The following SETD4 variants were observed in gnomAD, a reference collection of about 807,000 sequenced individuals.
SETD4 encodes the protein SET domain containing 4, also known as SET domain-containing protein 4.
In SETD4, 46 loss-of-function variants were observed where a neutral mutation model predicts 58.3. That is an observed-to-expected ratio of 0.79 (90% CI 0.62 to 1.01). The LOEUF (loss-of-function observed/expected upper bound fraction) is 1.01. SETD4 is among the 50% of genes least tolerant of loss of function. The pLI, the probability that SETD4 is intolerant of heterozygous loss-of-function variation, is 0.00. For synonymous variants in SETD4, 190 were observed against 202.6 expected (o/e 0.94, Z 0.53); for missense variants, 490 against 523.3 (o/e 0.94, Z 0.62).
chr21:36,058,793 T>C, intron 2 of SETD4, 23 bp downstream of exon 2: 14 of 1,573,686 alleles, frequency 8.9e-6, no homozygotes, highest in Non-Finnish European at 1.2e-5. Context: ...TTTTCATTAC[T>C]GGTACTAAAA....
intron 10 of SETD4, among the ~76,000 whole-genome samples, chr21:36,037,106 G>T (rs1444500632): frequency 6.6e-6 from 1 of 151,816 alleles, no homozygotes; most frequent in Admixed American, 6.6e-5. Flanking sequence ...GAGATCTATG[G>T]TACATCGTGG....
rs1268109322 is a variant in SETD4 at position 36,043,773 on chromosome 21, G to A, written c.901+9C>T. ...TAGTGTTAATGTTAAGAACAAAGTT[G>A]ATTCCAACCTCTTGAGACATAAACA... On this transcript the variant is annotated intron_variant, in intron 7 of 11. Transcript: ENST00000332131. 6.2e-7 allele frequency: 1 copy of A among 1,613,606 alleles called. No individual in the cohort carries two copies. The highest frequency in any genetic ancestry group is 1.1e-5 in the South Asian group (1 of 90,826).
At chr21:36,058,427 A>C (rs541483618) in intron 2 of SETD4, among the ~76,000 whole-genome samples, 1 of 150,404 alleles carries the variant, frequency 6.6e-6, no homozygotes, top group Non-Finnish European at 1.5e-5. Context: ...CTAAGGGAGG[A>C]GATCACTTGA....
intron 6 of SETD4, 84 bp from the exon 7 acceptor site, chr21:36,044,040 G>A (rs2064187823): frequency 2.1e-6 from 3 of 1,461,968 alleles, no homozygotes; most frequent in Non-Finnish European, 2.8e-6. Flanking sequence ...ATATTAATGT[G>A]AGTCAGGTGC....
At chr21:36,038,419 T>C (rs1265197959) in intron 9 of SETD4, 146 bp from the exon 10 acceptor site, 4 of 1,030,668 alleles carry the variant, frequency 3.9e-6, no homozygotes, top group African/African-American at 3.2e-5. Flanking sequence ...CAAACCTCCA[T>C]GCCACTTGCA....
chr21:36,038,636 G>A (rs1199876897), intron 9 of SETD4, among the ~76,000 whole-genome samples: 2 of 152,234 alleles, frequency 1.3e-5, no homozygotes, highest in African/African-American at 4.8e-5. Flanking sequence ...ACAGCCGAAA[G>A]GCAGAGGACT....
chr21:36,045,635 T>C lies in SETD4; in HGVS notation c.673A>G (p.Thr225Ala), dbSNP rs1356989318. 5 of 1,614,064 alleles carry C rather than the reference T, an allele frequency of 3.1e-6. No individual in the cohort carries two copies. The highest frequency in any genetic ancestry group is 4.2e-6 in the Non-Finnish European group (5 of 1,179,980). Residue 225 changes from threonine (T) to alanine (A), a missense_variant, in exon 6 of 12, where the codon ACC becomes GCC. Coordinates refer to ENST00000332131, the MANE Select transcript of SETD4 (RefSeq NM_017438.5). Reference protein sequence around the residue: ...QRECLSAEPDTCALAPYLDLL... With the variant: ...QRECLSAEPDACALAPYLDLL... ...TCCAGGTACGGAGCGAGTGCACAGG[T>C]GTCCGGCTCTGCAGAAAGGCATTCC...
chr21:36,053,989 C>G (rs918570410), intron 3 of SETD4, among the ~76,000 whole-genome samples: 17 of 152,184 alleles, frequency 1.1e-4, no homozygotes, highest in Non-Finnish European at 2.5e-4. Flanking sequence ...AGGCTAGAGC[C>G]CCAGGCCACT....
intron 3 of SETD4, among the ~76,000 whole-genome samples, chr21:36,054,060 G>A (rs375626996): frequency 2.6e-5 from 4 of 152,160 alleles, no homozygotes; most frequent in Admixed American, 6.5e-5. Context: ...TTGATTGGCC[G>A]ACTGGCCAAT....
intron 1 of SETD4, 134 bp from the exon 2 acceptor site, chr21:36,059,058 T>A: frequency 2.7e-6 from 3 of 1,104,990 alleles, no homozygotes; most frequent in Non-Finnish European, 3.7e-6. Flanking sequence ...CAAATGTATG[T>A]TTTGGTAAAC....
chr21:36,036,870 T>C (rs1016179523), intron 10 of SETD4, among the ~76,000 whole-genome samples: 1 of 152,196 alleles, frequency 6.6e-6, no homozygotes, highest in Non-Finnish European at 1.5e-5. Flanking sequence ...ATTTTGTCAT[T>C]TGTGACAACG....
rs1234633687 is a variant in SETD4, at chr21:36,041,906, A to T, written c.902-18T>A. ...AAGTATTTCTATATTCAAAAAAAAA[A>T]ATCAGACTGTTAGGGCATAAATTTG... is the stretch of plus-strand genomic sequence containing the variant. On this transcript the variant is annotated intron_variant, in intron 7 of 11. Transcript: ENST00000332131. 7 of 1,365,542 alleles carry T rather than the reference A, an allele frequency of 5.1e-6. No individual in the cohort carries two copies. The African/African-American group carries it at 8.9e-5, about 17-fold the overall frequency. 84.6% of individuals were successfully genotyped at this position (1,365,542 alleles called of 1,614,324 possible).
intron 5 of SETD4, 146 bp downstream of exon 5, chr21:36,048,162 G>C: frequency 5.6e-6 from 4 of 716,452 alleles, no homozygotes; most frequent in Non-Finnish European, 7.2e-6. Flanking sequence ...TTCTAGAATG[G>C]AGTAAACTTT....
chr21:36,049,950 T>C (rs1005092679), intron 4 of SETD4, among the ~76,000 whole-genome samples: 4 of 152,194 alleles, frequency 2.6e-5, no homozygotes, highest in Admixed American at 6.5e-5. Flanking sequence ...AACAAAAATA[T>C]TGTACAACAA....
intron 6 of SETD4, among the ~76,000 whole-genome samples, chr21:36,044,576 C>T (rs2064219435): frequency 1.3e-5 from 2 of 152,214 alleles, no homozygotes; most frequent in Admixed American, 1.3e-4. Flanking sequence ...ATTTCGTCAA[C>T]ATCAACCACA....
chr21:36,039,075 C>A (rs1331272050), intron 9 of SETD4, among the ~76,000 whole-genome samples: 3 of 151,850 alleles, frequency 2.0e-5, no homozygotes, highest in African/African-American at 7.3e-5. Flanking sequence ...CAAGACACAG[C>A]CCGGAATAGT....
chr21:36,041,847 C>T lies in SETD4; in HGVS notation c.943G>A (p.Asp315Asn). 1.3e-6 allele frequency: 2 copies of T among 1,485,798 alleles called. No individual in the cohort carries two copies. Among genetic ancestry groups the T allele is most frequent in the Non-Finnish European group, 1.8e-6 (2 of 1,089,444 alleles). 92.0% of individuals were successfully genotyped at this position (1,485,798 alleles called of 1,614,324 possible). Residue 315 changes from aspartate (D) to asparagine (N), a missense_variant, in exon 8 of 12, where the codon GAC (aspartate) becomes AAC (asparagine). Asp to Asn is a conservative substitution (Grantham distance 23). Coordinates refer to ENST00000332131, the MANE Select transcript of SETD4 (RefSeq NM_017438.5). ...TCCTTTAAAATAGAAATCTTTTTGT[C>T]CATCTGTTTATCTGTTGATGGAAGA... ...KYLPSTDKQM[D>N]KKISILKDHG...
intron 4 of SETD4, among the ~76,000 whole-genome samples, chr21:36,052,472 T>C (rs1411788812): frequency 6.7e-6 from 1 of 148,808 alleles, no homozygotes; most frequent in African/African-American, 2.5e-5. Context: ...GCAAAAGAAT[T>C]GCTTGAACCC....
intron 3 of SETD4, among the ~76,000 whole-genome samples, chr21:36,055,836 A>C (rs1601287013): frequency 6.6e-6 from 1 of 152,264 alleles, no homozygotes; most frequent in East Asian, 1.9e-4. Context: ...TTCCATCTAA[A>C]CCATCTGCTG....
Sources: gnomAD v4.1 joint callset for allele counts (sites outside exome capture counted in the v4.1 genomes callset) on GRCh38, gnomAD v4.1.1 for gene constraint, MANE v1.5 for transcripts, NCBI Gene and HGNC (gene_info 2026-07-23, HGNC 2026-07-21) for gene names.